The following APP variants were observed in gnomAD, a reference collection of about 807,000 sequenced individuals.
APP encodes amyloid beta precursor protein.
Under a neutral mutation model 101.4 loss-of-function variants are expected in APP, and 31 were observed. The ratio of observed to expected loss-of-function variants is 0.31; its 90% CI spans 0.23 to 0.41. The LOEUF is 0.41. Ranked by LOEUF, APP falls within the 10% of genes least tolerant of loss-of-function variation. The pLI, the probability that APP is intolerant of heterozygous loss-of-function variation, is 1.00. For synonymous variants in APP, 366 were observed against 364.4 expected, an observed-to-expected ratio of 1.00 and a Z score of -0.05; for missense variants, 839 against 1,003.7, an observed-to-expected ratio of 0.84 and a Z score of 2.22.
intron 1 of APP, among the ~76,000 whole-genome samples, chr21:26,160,652 T>C (rs2063470201): frequency 6.6e-6 from 1 of 152,002 alleles, no homozygotes; most frequent in African/African-American, 2.4e-5. Context: ...AGCTGTAAAA[T>C]GGCCAAAAAA....
intron 16 of APP, among the ~76,000 whole-genome samples, chr21:25,894,106 A>G (rs2037873451): frequency 6.6e-6 from 1 of 152,194 alleles, no homozygotes; most frequent in African/African-American, 2.4e-5. Flanking sequence ...GGTTTACTGA[A>G]TATTTTAAAC....
At chr21:26,132,243 T>C (rs1012487360) in intron 1 of APP, among the ~76,000 whole-genome samples, 4 of 152,178 alleles carry the variant, frequency 2.6e-5, no homozygotes, top group African/African-American at 9.6e-5. Context: ...AAAAAAGTGA[T>C]GTCTCAAATA....
At chr21:25,984,207 G>A (rs1324109128) in intron 8 of APP, among the ~76,000 whole-genome samples, 1 of 151,974 alleles carries the variant, frequency 6.6e-6, no homozygotes, top group Admixed American at 6.6e-5. Flanking sequence ...CACTGAAAAT[G>A]TTTTGGTAGA....
chr21:25,884,153 A>G (rs978677383), intron 17 of APP, among the ~76,000 whole-genome samples: 3 of 152,212 alleles, frequency 2.0e-5, no homozygotes, highest in African/African-American at 7.2e-5. Flanking sequence ...CACTAGGACT[A>G]CAGGCATGAG....
At chr21:26,121,476 T>C (rs142993562) in intron 1 of APP, among the ~76,000 whole-genome samples, 20,321 of 151,692 alleles carry the variant, frequency 0.13, 1,740 homozygotes, top group Admixed American at 0.27. Flanking sequence ...CAACCTCCAC[T>C]TCCCTGGTTC....
intron 3 of APP, among the ~76,000 whole-genome samples, chr21:26,080,095 G>C (rs2061567046): frequency 6.6e-6 from 1 of 152,164 alleles, no homozygotes; most frequent in Non-Finnish European, 1.5e-5. Flanking sequence ...TTGCACTTCA[G>C]CCTAGGTGAC....
intron 5 of APP, among the ~76,000 whole-genome samples, chr21:26,030,505 T>C (rs906481052): frequency 6.6e-6 from 1 of 152,188 alleles, no homozygotes; most frequent in African/African-American, 2.4e-5. Context: ...CTTGGCATCA[T>C]AAAAAGTATG....
intron 13 of APP, 71 bp from the exon 14 acceptor site, chr21:25,912,033 T>G: frequency 1.6e-6 from 2 of 1,227,582 alleles, no homozygotes; most frequent in Non-Finnish European, 2.4e-6. Flanking sequence ...GCAGCCACCA[T>G]TTACTTCTGC....
At position 25,982,410 on chromosome 21, in the gene APP, A is replaced by G. The variant is rs759363264; in HGVS notation, c.1158T>C (p.Asn386=). The G allele has an allele frequency of 6.2e-7, 1 of 1,613,866 alleles. No individual in the cohort carries two copies. The highest frequency in any genetic ancestry group is 8.5e-7 in the Non-Finnish European group (1 of 1,179,848). The part of the protein sequence containing the change: ...DKYLETPGDE[N]EHAHFQKAKE... Reference sequence around the variant, plus strand: ...TGGCTTTCTGGAAATGGGCATGTTCATTCTCATCCCCAGGTGTCTCGAGAT... The same window carrying G: ...TGGCTTTCTGGAAATGGGCATGTTCGTTCTCATCCCCAGGTGTCTCGAGAT... The change falls in exon 9 of 18, where the codon AAT becomes AAC. Residue 386 remains asparagine, a synonymous_variant. Transcript: ENST00000346798.
intron 1 of APP, among the ~76,000 whole-genome samples, chr21:26,141,930 C>A (rs1312080139): frequency 1.3e-5 from 2 of 152,134 alleles, no homozygotes; most frequent in African/African-American, 4.8e-5. Context: ...TAGCCAACAC[C>A]CGGTACATAC....
intron 3 of APP, among the ~76,000 whole-genome samples, chr21:26,088,279 G>T (rs528846120): frequency 6.6e-6 from 1 of 152,280 alleles, no homozygotes; most frequent in South Asian, 2.1e-4. Flanking sequence ...TCTTAATGTG[G>T]ATTTCATCTT....
At chr21:26,003,759 A>G (rs2043393692) in intron 6 of APP, among the ~76,000 whole-genome samples, 1 of 152,176 alleles carries the variant, frequency 6.6e-6, no homozygotes, top group African/African-American at 2.4e-5. Context: ...GCTTCTCGTT[A>G]TAATTCCCCC....
chr21:26,119,396 T>A (rs1275601998), intron 1 of APP, among the ~76,000 whole-genome samples: 1 of 152,230 alleles, frequency 6.6e-6, no homozygotes. Flanking sequence ...GATGTTAATA[T>A]CTACTAACCT....
intron 3 of APP, among the ~76,000 whole-genome samples, chr21:26,062,338 G>C (rs1016294638): frequency 1.3e-4 from 20 of 150,388 alleles, no homozygotes; most frequent in African/African-American, 4.6e-4. Context: ...CTTTAAAAAA[G>C]AGAAAAGAAA....
chr21:25,961,686 T>C (rs535111144), intron 11 of APP, among the ~76,000 whole-genome samples: 1 of 152,316 alleles, frequency 6.6e-6, no homozygotes, highest in East Asian at 1.9e-4. Context: ...AAGACAAAGA[T>C]GAATTTCTTA....
chr21:25,908,563 C>T (rs753259383), intron 14 of APP, among the ~76,000 whole-genome samples: 7 of 151,936 alleles, frequency 4.6e-5, no homozygotes, highest in Admixed American at 1.3e-4. Flanking sequence ...AGAAGAGAGA[C>T]GGCTTTAGGA....
rs551819592 is a variant in APP at position 25,885,755 on chromosome 21, T to C, written c.2212-3984A>G. Among the ~76,000 whole-genome samples, 9 of 152,268 alleles carry C rather than the reference T, an allele frequency of 5.9e-5. No homozygotes were observed. The East Asian group carries it at 1.2e-3, about 20-fold the overall frequency. ...TCTAAAATAGCTTTGAGGAGAACGT[T>C]TGACACTCTTTGGCTAACCTCCATA... On this transcript the variant is annotated intron_variant, in intron 17 of 17. Transcript: ENST00000346798.
chr21:26,098,448 A>G (rs996700913), intron 2 of APP, among the ~76,000 whole-genome samples: 11 of 152,142 alleles, frequency 7.2e-5, no homozygotes, highest in African/African-American at 2.7e-4. Context: ...AAATGTATAT[A>G]TTAAAAAAAA....
At chr21:26,061,914 G>A (rs1286561207) in intron 3 of APP, among the ~76,000 whole-genome samples, 1 of 152,158 alleles carries the variant, frequency 6.6e-6, no homozygotes, top group Non-Finnish European at 1.5e-5. Context: ...GGCAGAGTGA[G>A]TATAAGACAG....
Sources: gnomAD v4.1 joint callset for allele counts (sites outside exome capture counted in the v4.1 genomes callset) on GRCh38, gnomAD v4.1.1 for gene constraint, MANE v1.5 for transcripts, NCBI Gene and HGNC (gene_info 2026-07-23, HGNC 2026-07-21) for gene names.